The following SLC27A1 variants were observed in gnomAD, a reference collection of about 807,000 sequenced individuals.
SLC27A1 encodes long-chain fatty acid transport protein 1.
A neutral mutation model predicts 62.2 loss-of-function variants in SLC27A1; 61 were observed. The ratio of observed to expected loss-of-function variants is 0.98; its 90% CI spans 0.80 to 1.21. The LOEUF (loss-of-function observed/expected upper bound fraction) is 1.21. SLC27A1 is among the 50% of genes most tolerant of loss of function. The pLI, the probability that SLC27A1 is intolerant of heterozygous loss-of-function variation, is 0.00. For synonymous variants in SLC27A1, 435 were observed against 408.6 expected (o/e 1.06, Z -0.78); for missense variants, 903 against 932.1 (o/e 0.97, Z 0.41).
chr19:17,494,976 C>CTTT (rs56104169), intron 6 of SLC27A1, among the ~76,000 whole-genome samples: 2 of 145,056 alleles, frequency 1.4e-5, no homozygotes, highest in African/African-American at 2.6e-5. Flanking sequence ...AAATCCTTGC[C>CTTT]TTTTTTTTTT....
At chr19:17,490,737 G>A (rs2075286050) in intron 6 of SLC27A1, among the ~76,000 whole-genome samples, 1 of 152,080 alleles carries the variant, frequency 6.6e-6, no homozygotes, top group Non-Finnish European at 1.5e-5. Context: ...ATATTAAAGT[G>A]AAAAATTTGG....
chr19:17,488,953 G>A lies in SLC27A1; in HGVS notation c.886+14G>A, dbSNP rs374687901. On this transcript the variant is annotated intron_variant, in intron 5 of 11. Transcript: ENST00000252595. ...ACCACTCGGCAGGTACTACGGCCTG[G>A]GTAGGGAATGGTGGGTGGGGGCGGG... is the stretch of plus-strand genomic sequence containing the variant. 18 of 1,614,142 alleles carry A rather than the reference G, an allele frequency of 1.1e-5. No homozygotes were observed. The highest frequency in any genetic ancestry group is 1.5e-5 in the Non-Finnish European group (18 of 1,179,998).
At position 17,476,822 on chromosome 19, in the gene SLC27A1, T is replaced by C. The variant is rs1210103380; in HGVS notation, c.167+6115T>C. The stretch of plus-strand genomic sequence containing the variant: ...AGGGACCTATTTTGGAGGGTGGATA[T>C]AAGGTTAGCACAGGGCATGGCAGAT... On this transcript the variant is annotated intron_variant, in intron 1 of 11. Transcript: ENST00000252595. Among the ~76,000 whole-genome samples, 3 of 151,294 alleles carry C rather than the reference T, an allele frequency of 2.0e-5. 1 individual carries two copies. Among genetic ancestry groups the C allele is most frequent in the Non-Finnish European group, 4.4e-5 (3 of 67,946 alleles).
chr19:17,477,235 C>G (rs545695683), intron 1 of SLC27A1, among the ~76,000 whole-genome samples: 178 of 72,472 alleles, frequency 2.5e-3, no homozygotes, highest in African/African-American at 7.9e-3. Flanking sequence ...AATGGATGAG[C>G]AGCGCTTTTT....
At position 17,497,245 on chromosome 19, in the gene SLC27A1, C is replaced by A; in HGVS notation, c.997-10C>A. On this transcript the variant is annotated splice_polypyrimidine_tract_variant and intron_variant, in intron 6 of 11. Transcript: ENST00000252595. The stretch of plus-strand genomic sequence containing the variant: ...GGTCCCATCACCCACTTCCTCACCC[C>A]GTCCCCCAGGTGGTTCAGTACATCG... The A allele has an allele frequency of 6.3e-7, 1 of 1,582,302 alleles. No individual in the cohort carries two copies. The highest frequency in any genetic ancestry group is 8.5e-7 in the Non-Finnish European group (1 of 1,170,088).
intron 1 of SLC27A1, among the ~76,000 whole-genome samples, chr19:17,478,699 A>G (rs572750029): frequency 1.3e-5 from 2 of 151,724 alleles, no homozygotes; most frequent in South Asian, 4.2e-4. Context: ...CTCTACAAAA[A>G]TACAAAAATT....
At chr19:17,489,965 G>T (rs893543373) in intron 6 of SLC27A1, 2 of 152,272 alleles carry the variant, frequency 1.3e-5, no homozygotes, top group Non-Finnish European at 2.9e-5. Flanking sequence ...TGGACAGATG[G>T]GGCCCAGAGA....
chr19:17,482,684 G>A (rs2075191038), intron 1 of SLC27A1, among the ~76,000 whole-genome samples: 1 of 149,636 alleles, frequency 6.7e-6, no homozygotes, highest in South Asian at 2.1e-4. Context: ...AGGGTGGGGA[G>A]AGAATGGAGC....
intron 6 of SLC27A1, among the ~76,000 whole-genome samples, chr19:17,493,323 G>T (rs1391188427): frequency 6.7e-6 from 1 of 150,186 alleles, no homozygotes; most frequent in Non-Finnish European, 1.5e-5. Flanking sequence ...AGCTACCCGG[G>T]AGGCTGAGGC....
chr19:17,497,973 C>G (rs1198216181), intron 7 of SLC27A1: 1 of 184,574 alleles, frequency 5.4e-6, no homozygotes, highest in East Asian at 1.9e-4. Context: ...TTAGCAACTA[C>G]TTACTCTCTT....
intron 6 of SLC27A1, among the ~76,000 whole-genome samples, chr19:17,492,017 A>C (rs2075299108): frequency 6.6e-6 from 1 of 152,136 alleles, no homozygotes; most frequent in Non-Finnish European, 1.5e-5. Context: ...GACTCTTAAC[A>C]TTTGGGGCTG....
intron 11 of SLC27A1, 24 bp downstream of exon 11, chr19:17,501,443 C>G (rs1328011204): frequency 3.1e-5 from 50 of 1,601,848 alleles, no homozygotes; most frequent in Non-Finnish European, 4.1e-5. Flanking sequence ...CCACTCCAAT[C>G]TCTCTCTTCA....
chr19:17,474,665 T>G (rs2075105633), intron 1 of SLC27A1, among the ~76,000 whole-genome samples: 1 of 149,748 alleles, frequency 6.7e-6, no homozygotes, highest in African/African-American at 2.5e-5. Context: ...GAGTTTCGCT[T>G]TGTCACCCAG....
chr19:17,503,088 A>G (rs1282473691), intron 11 of SLC27A1, among the ~76,000 whole-genome samples: 3 of 152,156 alleles, frequency 2.0e-5, no homozygotes, highest in African/African-American at 4.8e-5. Flanking sequence ...AAACCACCAA[A>G]TAAAGCCATC....
intron 3 of SLC27A1, 57 bp downstream of exon 3, chr19:17,487,392 C>CGCCCCCAACTTCCAG: frequency 6.6e-7 from 1 of 1,523,442 alleles, no homozygotes; most frequent in Non-Finnish European, 8.8e-7. Flanking sequence ...GCCCAGGCCC[C>CGCCCCCAACTTCCAG]GCCCCCAACT....
rs10418275 is a variant in SLC27A1, at chr19:17,505,516, C to A, written c.*904C>A. On this transcript the variant is annotated 3_prime_UTR_variant, in exon 12 of 12. Transcript: ENST00000252595. ...CTAGGCCAATTGCCTTTTGCACTTC[C>A]CCGTTCCTGTCACATTTCCCCAGCC... 8.1e-3 allele frequency: 1,244 copies of A among 153,244 alleles called. 13 individuals are homozygous for A. Among genetic ancestry groups the A allele is most frequent in the African/African-American group, 0.028 (1,180 of 41,592 alleles). The allele number at this position is 153,244 out of a possible 1,614,324, so 9.5% of individuals were successfully genotyped here. A position where few individuals can be genotyped will look rare whatever the true frequency, so the allele number is the denominator to read the frequency against.
intron 1 of SLC27A1, among the ~76,000 whole-genome samples, chr19:17,482,051 G>A (rs912561177): frequency 2.0e-5 from 3 of 152,154 alleles, no homozygotes; most frequent in Admixed American, 2.0e-4. Context: ...CTTCCTTCGA[G>A]ATTATTTGTA....
Position 17,470,769 on chromosome 19 carries a change from G to T in SLC27A1, c.167+62G>T, listed in dbSNP as rs931153894. 26 of 1,444,178 alleles carry T rather than the reference G, an allele frequency of 1.8e-5. No homozygotes were observed. The East Asian group carries it at 7.1e-4, about 40-fold the overall frequency. The allele number at this position is 1,444,178 out of a possible 1,614,324, so 89.5% of individuals were successfully genotyped here. On this transcript the variant is annotated intron_variant, in intron 1 of 11. Coordinates refer to ENST00000252595, the MANE Select transcript of SLC27A1 (RefSeq NM_198580.3). ...GGGCTGAGGGCTCTGGGGGCGCACG[G>T]TGCAGGGCTGGGTTGCGGGGACGGC...
At chr19:17,494,760 T>C (rs2075330751) in intron 6 of SLC27A1, among the ~76,000 whole-genome samples, 1 of 150,776 alleles carries the variant, frequency 6.6e-6, no homozygotes, top group African/African-American at 2.5e-5. Flanking sequence ...GGCTGCTTTT[T>C]GTTAGAAGGG....
Sources: gnomAD v4.1 joint callset for allele counts (sites outside exome capture counted in the v4.1 genomes callset) on GRCh38, gnomAD v4.1.1 for gene constraint, MANE v1.5 for transcripts, NCBI Gene and HGNC (gene_info 2026-07-23, HGNC 2026-07-21) for gene names.